The following DUS2 variants were observed in gnomAD, a reference collection of about 807,000 sequenced individuals.
The protein encoded by DUS2 is dihydrouridine synthase 2.
DUS2 carries 52 observed loss-of-function variants against 71.3 expected under a neutral mutation model. The observed-to-expected ratio is 0.73, with a 90% CI of 0.58 to 0.92. The LOEUF (loss-of-function observed/expected upper bound fraction) is 0.92. DUS2 is among the 40% of genes least tolerant of loss of function. The probability of loss-of-function intolerance (pLI) is 0.00; values close to 1 mark genes in which losing one functional copy is unlikely to be tolerated. For missense variants in DUS2, 558 were observed against 622.6 expected (o/e 0.90, Z 1.10); for synonymous variants, 204 against 227.8 (o/e 0.90, Z 0.94).
Position 68,076,657 on chromosome 16 carries a change from C to A in DUS2, c.1108C>A (p.Pro370Thr). ...DRRAYPAQITPKMCLLEWCRR... is the reference protein window; with the variant it reads ...DRRAYPAQITTKMCLLEWCRR... Reference sequence around the variant, plus strand: ...GAGAGCATACCCAGCCCAGATCACCCCTAAGATGTGCCTACTAGAGTGGTG... The same window carrying A: ...GAGAGCATACCCAGCCCAGATCACCACTAAGATGTGCCTACTAGAGTGGTG... The change falls in exon 15 of 17, where the codon CCT becomes ACT. Residue 370 changes from proline to threonine, a missense_variant. Pro to Thr is a conservative substitution (Grantham distance 38). Coordinates refer to ENST00000565263, the MANE Select transcript of DUS2 (RefSeq NM_017803.5). 2 of 1,614,064 alleles carry A rather than the reference C, an allele frequency of 1.2e-6. No individual in the cohort carries two copies. Among genetic ancestry groups the A allele is most frequent in the Non-Finnish European group, 1.7e-6 (2 of 1,179,956 alleles).
intron 2 of DUS2, among the ~76,000 whole-genome samples, chr16:68,028,819 C>T (rs1219426923): frequency 6.6e-6 from 1 of 152,114 alleles, no homozygotes; most frequent in Non-Finnish European, 1.5e-5. Flanking sequence ...GAAGCTGAGG[C>T]TCAGCTGGGT....
At chr16:68,070,113 C>A in intron 10 of DUS2, 21 bp from the exon 11 acceptor site, 1 of 1,611,416 alleles carries the variant, frequency 6.2e-7, no homozygotes, top group Non-Finnish European at 8.5e-7. Flanking sequence ...TAGCCCTCAG[C>A]CCCATCTTTC....
chr16:68,057,089 ATAAT>A (rs984508556), intron 7 of DUS2, among the ~76,000 whole-genome samples: 2 of 139,130 alleles, frequency 1.4e-5, no homozygotes, highest in African/African-American at 5.3e-5. Flanking sequence ...TATATAATAT[ATAAT>A]TATAGATTAC....
intron 2 of DUS2, chr16:68,026,988 G>A (rs999931044): frequency 6.6e-6 from 1 of 151,648 alleles, no homozygotes; most frequent in Non-Finnish European, 1.5e-5. Context: ...TCCAGAATTG[G>A]GCTCAACCTC....
chr16:68,054,473 T>G, intron 5 of DUS2, 101 bp from the exon 6 acceptor site: 2 of 1,250,396 alleles, frequency 1.6e-6, no homozygotes, highest in Non-Finnish European at 2.3e-6. Flanking sequence ...GTTGTTGGTG[T>G]GTGGGGTGTG....
chr16:68,027,706 A>G (rs1322691673), intron 2 of DUS2, among the ~76,000 whole-genome samples: 1 of 152,256 alleles, frequency 6.6e-6, no homozygotes, highest in African/African-American at 2.4e-5. Context: ...AGTTGCCAGG[A>G]TAGCTCCATG....
At chr16:68,073,929 C>T (rs1160399387) in intron 12 of DUS2, 105 bp from the exon 13 acceptor site, 6 of 1,443,642 alleles carry the variant, frequency 4.2e-6, no homozygotes, top group South Asian at 1.2e-5. Flanking sequence ...GCCTTGGCTA[C>T]ACATACATCT....
At chr16:68,075,656 C>A in intron 14 of DUS2, 152 bp downstream of exon 14, 1 of 769,614 alleles carries the variant, frequency 1.3e-6, no homozygotes, top group Non-Finnish European at 1.9e-6. Context: ...TTCAGCATCC[C>A]ATAGAAGGTG....
At chr16:68,070,075 T>A in intron 10 of DUS2, 59 bp from the exon 11 acceptor site, 1 of 1,486,444 alleles carries the variant, frequency 6.7e-7, no homozygotes, top group Non-Finnish European at 9.4e-7. Flanking sequence ...GGTAACCCTG[T>A]GTGAGTGGTG....
rs1361216278 is a variant in DUS2 at position 68,049,549 on chromosome 16, T to C, written c.171T>C (p.Asn57=). ...TGATTCAGTGCAAGAGAGTTGTTAA[T>C]GGTGAGTACAGATCTGGCTCCAGAA... The part of the protein sequence containing the change: ...LKMIQCKRVV[N]EVLSTVDFVA... Residue 57 remains asparagine, a splice_region_variant and synonymous_variant, in exon 4 of 17, where the codon AAT becomes AAC. Transcript: ENST00000565263. The C allele has an allele frequency of 1.1e-5, 18 of 1,614,040 alleles. No individual in the cohort carries two copies. Among genetic ancestry groups the C allele is most frequent in the Non-Finnish European group, 1.4e-5 (17 of 1,179,996 alleles).
chr16:68,040,175 C>G (rs947754360), intron 3 of DUS2, among the ~76,000 whole-genome samples: 1 of 151,878 alleles, frequency 6.6e-6, no homozygotes, highest in Admixed American at 6.6e-5. Context: ...ACCTCTGCTT[C>G]CCAGGTTCAA....
At chr16:68,030,422 C>T (rs182814663) in intron 2 of DUS2, among the ~76,000 whole-genome samples, 170 of 151,934 alleles carry the variant, frequency 1.1e-3, no homozygotes, top group Non-Finnish European at 1.8e-3. Context: ...GGTGAAACCC[C>T]GTCTCTACTG....
At position 68,070,999 on chromosome 16, in the gene DUS2, C is replaced by G; in HGVS notation, c.701C>G (p.Thr234Arg). ...GACATAGAGGACTTTCGACAAGCCA[C>G]GGCAGCCTCTTCCGTGATGGTGGCC... The part of the protein sequence containing the change: ...YSDIEDFRQA[T>R]AASSVMVARA... Residue 234 changes from threonine to arginine, a missense_variant, in exon 12 of 17, where the codon ACG (threonine) becomes AGG (arginine). Physicochemically the swap from Thr to Arg is moderately conservative, Grantham distance 71. Coordinates refer to ENST00000565263, the MANE Select transcript of DUS2 (RefSeq NM_017803.5). The G allele has an allele frequency of 3.1e-6, 5 of 1,614,224 alleles. No homozygotes were observed. The highest frequency in any genetic ancestry group is 4.2e-6 in the Non-Finnish European group (5 of 1,180,040).
chr16:68,066,600 A>G lies in DUS2; in HGVS notation c.518A>G (p.Glu173Gly). The change falls in exon 10 of 17, where the codon GAG becomes GGG. Residue 173 changes from glutamate to glycine, a missense_variant. Transcript: ENST00000565263. ...EDTLSLVKRI[E>G]RTGIAAIAVH... The stretch of plus-strand genomic sequence containing the variant: ...ACCCTGAGCCTTGTGAAGCGGATAG[A>G]GAGGACTGGCATTGCTGCCATCGCA... 1 of 1,614,232 alleles carries G rather than the reference A, an allele frequency of 6.2e-7. No individual in the cohort carries two copies. Among genetic ancestry groups the G allele is most frequent in the Non-Finnish European group, 8.5e-7 (1 of 1,180,032 alleles).
intron 7 of DUS2, among the ~76,000 whole-genome samples, chr16:68,058,713 T>C (rs1477218290): frequency 6.6e-6 from 1 of 152,198 alleles, no homozygotes; most frequent in Non-Finnish European, 1.5e-5. Flanking sequence ...GTAACATTGA[T>C]TTCCTCTGGG....
intron 3 of DUS2, among the ~76,000 whole-genome samples, chr16:68,040,699 TGTGTAG>T (rs2033611083): frequency 6.6e-6 from 1 of 151,882 alleles, no homozygotes; most frequent in Non-Finnish European, 1.5e-5. Flanking sequence ...CAACCTAGGT[TGTGTAG>T]GTGGCTGGGA....
At chr16:68,072,979 G>A (rs960044504) in intron 12 of DUS2, among the ~76,000 whole-genome samples, 2 of 152,232 alleles carry the variant, frequency 1.3e-5, no homozygotes, top group Non-Finnish European at 2.9e-5. Flanking sequence ...TCAAGATGTG[G>A]GAAGGGAAGG....
In DUS2 at chr16:68,066,644, G is replaced by A; in HGVS notation, c.554+8G>A. 6.2e-7 allele frequency: 1 copy of A among 1,613,436 alleles called. No homozygotes were observed. Among genetic ancestry groups the A allele is most frequent in the African/African-American group, 1.3e-5 (1 of 75,020 alleles). Reference sequence around the variant, plus strand: ...CATCGCAGTTCATGGGAGGTGAGTGGTCACCTTTCTAGTGACTGGCAGGGA... The same window carrying A: ...CATCGCAGTTCATGGGAGGTGAGTGATCACCTTTCTAGTGACTGGCAGGGA... On this transcript the variant is annotated splice_region_variant and intron_variant, in intron 10 of 16. Coordinates refer to ENST00000565263, the MANE Select transcript of DUS2 (RefSeq NM_017803.5).
chr16:68,038,235 G>A (rs1160241109), intron 3 of DUS2, 86 bp downstream of exon 3: 1 of 1,550,336 alleles, frequency 6.5e-7, no homozygotes, highest in Non-Finnish European at 8.7e-7. Flanking sequence ...GGAGTTAGTG[G>A]GGACAGAATG....
Sources: gnomAD v4.1 joint callset for allele counts (sites outside exome capture counted in the v4.1 genomes callset) on GRCh38, gnomAD v4.1.1 for gene constraint, MANE v1.5 for transcripts, NCBI Gene and HGNC (gene_info 2026-07-23, HGNC 2026-07-21) for gene names.